PTPRD: variants seen among roughly 807,000 people sequenced by gnomAD.
PTPRD encodes the protein receptor-type tyrosine-protein phosphatase delta.
In PTPRD, 34 loss-of-function variants were observed where a neutral mutation model predicts 214.5. The ratio of observed to expected loss-of-function variants is 0.16; its 90% CI spans 0.12 to 0.21. The LOEUF is 0.21. PTPRD is among the 10% of genes least tolerant of loss of function. The pLI is 1.00. For missense variants in PTPRD, 2,545 were observed against 2,398.7 expected (o/e 1.06, Z -1.27); for synonymous variants, 1,128 against 845.7 (o/e 1.33, Z -5.79).
At chr9:9,087,734 T>TAAAATTTTCC (rs1441250047) in intron 10 of PTPRD, among the ~76,000 whole-genome samples, 1 of 152,088 alleles carries the variant, frequency 6.6e-6, no homozygotes, top group Non-Finnish European at 1.5e-5. Context: ...TTTCCAAAGT[T>TAAAATTTTCC]AAATTTTAAA....
chr9:10,470,683 C>A (rs936353703), intron 2 of PTPRD, among the ~76,000 whole-genome samples: 32 of 152,174 alleles, frequency 2.1e-4, no homozygotes, highest in African/African-American at 7.7e-4. Context: ...TAGCTCCCTT[C>A]TCCCCAGTTG....
chr9:9,740,018 C>T lies in PTPRD; in HGVS notation c.-325-5447G>A, dbSNP rs189241613. 3.1e-3 allele frequency among the ~76,000 whole-genome samples: 474 copies of T among 152,236 alleles called. 2 individuals carry two copies. The highest frequency in any genetic ancestry group is 0.011 in the African/African-American group (458 of 41,552). On this transcript the variant is annotated intron_variant, in intron 6 of 45. Coordinates refer to ENST00000381196, the MANE Select transcript of PTPRD (RefSeq NM_002839.4). ...CTCATATTAATTTGTACACAAAGCA[C>T]TTACTCTATGTAATCTCAATCCTCT... is the stretch of plus-strand genomic sequence containing the variant.
At chr9:10,056,756 A>C (rs914684062) in intron 3 of PTPRD, among the ~76,000 whole-genome samples, 4 of 152,138 alleles carry the variant, frequency 2.6e-5, no homozygotes, top group Non-Finnish European at 5.9e-5. Context: ...AATGAGCCAC[A>C]TTCTCCCTAT....
At chr9:10,418,992 T>C (rs891908135) in intron 2 of PTPRD, among the ~76,000 whole-genome samples, 2 of 151,840 alleles carry the variant, frequency 1.3e-5, no homozygotes, top group African/African-American at 4.8e-5. Context: ...CCAACTCTCA[T>C]TACACTGGGC....
chr9:10,580,605 A>G (rs2071388632), intron 2 of PTPRD, among the ~76,000 whole-genome samples: 2 of 152,190 alleles, frequency 1.3e-5, no homozygotes, highest in Admixed American at 1.3e-4. Context: ...GTGAAAGAGT[A>G]TTAATAATAC....
chr9:10,514,866 G>C (rs1477844136), intron 2 of PTPRD, among the ~76,000 whole-genome samples: 12 of 151,968 alleles, frequency 7.9e-5, no homozygotes. Context: ...TTACATAGTA[G>C]TTCACCATTA....
intron 11 of PTPRD, among the ~76,000 whole-genome samples, chr9:8,882,583 G>A (rs2098455329): frequency 1.3e-5 from 2 of 152,098 alleles, no homozygotes; most frequent in Non-Finnish European, 2.9e-5. Context: ...CTGAGGGACT[G>A]TGATTAAGAT....
intron 3 of PTPRD, among the ~76,000 whole-genome samples, chr9:10,109,212 G>C (rs1352982103): frequency 6.6e-6 from 1 of 152,124 alleles, no homozygotes; most frequent in Non-Finnish European, 1.5e-5. Flanking sequence ...TTTATTTCTT[G>C]CTTCTGTGAA....
At chr9:10,255,181 T>G (rs1186117115) in intron 3 of PTPRD, among the ~76,000 whole-genome samples, 1 of 152,144 alleles carries the variant, frequency 6.6e-6, no homozygotes, top group Non-Finnish European at 1.5e-5. Flanking sequence ...TAAAATAGGG[T>G]CAAGTGTTGC....
intron 10 of PTPRD, among the ~76,000 whole-genome samples, chr9:9,061,124 G>A (rs758602314): frequency 6.6e-6 from 1 of 152,142 alleles, no homozygotes. Context: ...ATAGGAAGAG[G>A]ACAAAAGGGA....
intron 39 of PTPRD, among the ~76,000 whole-genome samples, chr9:8,345,685 C>T (rs988129344): frequency 6.6e-5 from 10 of 152,052 alleles, no homozygotes; most frequent in African/African-American, 2.4e-4. Flanking sequence ...TCCTGTATCA[C>T]GGTTCCATTG....
At chr9:9,559,612 C>T (rs1032256038) in intron 8 of PTPRD, among the ~76,000 whole-genome samples, 2 of 152,216 alleles carry the variant, frequency 1.3e-5, no homozygotes, top group African/African-American at 2.4e-5. Context: ...GAGAGGTTAG[C>T]ATAACATCAT....
At chr9:9,501,033 A>G (rs2096397538) in intron 8 of PTPRD, among the ~76,000 whole-genome samples, 1 of 152,150 alleles carries the variant, frequency 6.6e-6, no homozygotes, top group South Asian at 2.1e-4. Context: ...AGGAAATAAA[A>G]TGTATTACTA....
chr9:9,536,988 T>C (rs910332145), intron 8 of PTPRD, among the ~76,000 whole-genome samples: 3 of 152,000 alleles, frequency 2.0e-5, no homozygotes, highest in African/African-American at 7.2e-5. Flanking sequence ...ATCTACTAAT[T>C]GCAGTACCTA....
intron 3 of PTPRD, among the ~76,000 whole-genome samples, chr9:10,045,570 C>G (rs892675923): frequency 1.3e-5 from 2 of 151,688 alleles, no homozygotes; most frequent in Middle Eastern, 3.4e-3. Context: ...TTTCAGCTAT[C>G]ATTTTGAGAA....
At chr9:8,592,716 A>C (rs938484962) in intron 14 of PTPRD, among the ~76,000 whole-genome samples, 2 of 152,226 alleles carry the variant, frequency 1.3e-5, no homozygotes, top group Non-Finnish European at 2.9e-5. Flanking sequence ...CTCGAAGCAC[A>C]TAAGGGTTGC....
chr9:8,576,404 T>C (rs1018389401), intron 14 of PTPRD, among the ~76,000 whole-genome samples: 1 of 152,168 alleles, frequency 6.6e-6, no homozygotes, highest in African/African-American at 2.4e-5. Context: ...TTTATGGTCA[T>C]GATTTGCATT....
intron 11 of PTPRD, among the ~76,000 whole-genome samples, chr9:8,978,324 C>T (rs886651345): frequency 6.6e-6 from 1 of 152,028 alleles, no homozygotes; most frequent in African/African-American, 2.4e-5. Context: ...TGTGTAAGTC[C>T]CTTATCAGTT....
At chr9:8,662,100 C>G (rs1172571693) in intron 12 of PTPRD, among the ~76,000 whole-genome samples, 3 of 151,904 alleles carry the variant, frequency 2.0e-5, no homozygotes, top group African/African-American at 4.8e-5. Flanking sequence ...TTTTGTTTTT[C>G]ATAGAGCTTT....
Sources: allele counts gnomAD v4.1 joint callset (sites outside exome capture counted in the v4.1 genomes callset), GRCh38; gene constraint gnomAD v4.1.1; transcripts MANE v1.5; gene names NCBI Gene and HGNC (gene_info 2026-07-23, HGNC 2026-07-21).